Variants in IPO8 observed in about 807,000 individuals in gnomAD.
The protein encoded by IPO8 is importin-8.
IPO8 carries 65 observed loss-of-function variants against 141.2 expected under a neutral mutation model. The ratio of observed to expected loss-of-function variants is 0.46; its 90% CI spans 0.38 to 0.57. IPO8 has a LOEUF of 0.57. IPO8 is among the 20% of genes least tolerant of loss of function. The pLI is 0.00. For synonymous variants in IPO8, 411 were observed against 420.3 expected, an observed-to-expected ratio of 0.98 and a Z score of 0.27; for missense variants, 980 against 1,246.8, an observed-to-expected ratio of 0.79 and a Z score of 3.22.
At chr12:30,685,454 C>T (rs1228845152) in intron 2 of IPO8, among the ~76,000 whole-genome samples, 1 of 151,466 alleles carries the variant, frequency 6.6e-6, no homozygotes, top group African/African-American at 2.4e-5. Context: ...GTAAAGCTTT[C>T]TAACCATCCC....
chr12:30,664,505 A>G (rs2052933904), intron 13 of IPO8, among the ~76,000 whole-genome samples: 1 of 152,220 alleles, frequency 6.6e-6, no homozygotes, highest in Non-Finnish European at 1.5e-5. Flanking sequence ...ACAATTTCAC[A>G]TGGATTATTA....
chr12:30,646,742 A>T (rs948091452), intron 20 of IPO8, among the ~76,000 whole-genome samples: 6 of 152,196 alleles, frequency 3.9e-5, no homozygotes, highest in African/African-American at 1.4e-4. Flanking sequence ...AAAAGAAAAT[A>T]TATAAAAATA....
intron 16 of IPO8, among the ~76,000 whole-genome samples, chr12:30,657,898 C>T (rs2052823706): frequency 6.6e-6 from 1 of 151,876 alleles, no homozygotes; most frequent in East Asian, 1.9e-4. Flanking sequence ...ACCCGAAAAC[C>T]TGGTTTAAAA....
At chr12:30,678,147 A>G (rs1189430018) in intron 5 of IPO8, among the ~76,000 whole-genome samples, 4 of 151,972 alleles carry the variant, frequency 2.6e-5, no homozygotes, top group Non-Finnish European at 5.9e-5. Flanking sequence ...AAAAAAATTT[A>G]AAGTTTATGA....
intron 23 of IPO8, among the ~76,000 whole-genome samples, chr12:30,632,428 T>C (rs967077664): frequency 7.9e-5 from 12 of 152,192 alleles, no homozygotes; most frequent in Non-Finnish European, 1.3e-4. Context: ...CTAAGCCTCC[T>C]GGACTGTTCC....
chr12:30,680,104 C>CCCTTCTTCTTTTCCTTCTTCTTTT (rs137864155), intron 5 of IPO8, among the ~76,000 whole-genome samples: 16 of 151,758 alleles, frequency 1.1e-4, no homozygotes, highest in South Asian at 6.2e-4. Context: ...AAGAGGGACT[C>CCCTTCTTCTTTTCCTTCTTCTTTT]CCTTCTTCTT....
intron 18 of IPO8, among the ~76,000 whole-genome samples, chr12:30,652,727 T>C (rs1591828676): frequency 6.6e-6 from 1 of 152,194 alleles, no homozygotes; most frequent in East Asian, 1.9e-4. Context: ...TAAATTAATA[T>C]ATGGATATAT....
At chr12:30,636,907 T>C in intron 22 of IPO8, 75 bp downstream of exon 22, 1 of 1,188,192 alleles carries the variant, frequency 8.4e-7, no homozygotes, top group East Asian at 2.4e-5. Context: ...TGTCTCCATA[T>C]AGACTAGTAT....
At chr12:30,639,274 AAAAT>A (rs2052545240) in intron 21 of IPO8, among the ~76,000 whole-genome samples, 2 of 152,336 alleles carry the variant, frequency 1.3e-5, no homozygotes, top group South Asian at 4.1e-4. Context: ...GTGTTTAAAA[AAAAT>A]AAATAAAAAA....
At chr12:30,645,046 A>G (rs920258070) in intron 20 of IPO8, among the ~76,000 whole-genome samples, 12 of 152,154 alleles carry the variant, frequency 7.9e-5, no homozygotes, top group Admixed American at 4.6e-4. Flanking sequence ...ACAATATCTC[A>G]AAGATAAAAT....
At chr12:30,687,079 C>T (rs902803846) in intron 2 of IPO8, among the ~76,000 whole-genome samples, 9 of 152,044 alleles carry the variant, frequency 5.9e-5, no homozygotes, top group African/African-American at 2.2e-4. Flanking sequence ...TCATTTAATT[C>T]AAGTGCCTAA....
At chr12:30,663,295 C>T (rs1209750297) in intron 14 of IPO8, among the ~76,000 whole-genome samples, 194 bp downstream of exon 14, 1 of 152,122 alleles carries the variant, frequency 6.6e-6, no homozygotes, top group East Asian at 1.9e-4. Context: ...AACATGTTTC[C>T]TAACCTAAAA....
At chr12:30,688,923 T>C (rs2053266762) in intron 2 of IPO8, among the ~76,000 whole-genome samples, 1 of 152,102 alleles carries the variant, frequency 6.6e-6, no homozygotes, top group South Asian at 2.1e-4. Flanking sequence ...TCATTTAGCA[T>C]TGCTTCTATC....
intron 13 of IPO8, among the ~76,000 whole-genome samples, chr12:30,664,940 A>G (rs573589871): frequency 1.3e-5 from 2 of 152,204 alleles, no homozygotes; most frequent in East Asian, 3.9e-4. Context: ...GGGTTTCACC[A>G]TGTTGGCCAG....
At chr12:30,650,816 T>C (rs928565413) in intron 19 of IPO8, among the ~76,000 whole-genome samples, 1 of 152,066 alleles carries the variant, frequency 6.6e-6, no homozygotes, top group Non-Finnish European at 1.5e-5. Flanking sequence ...CTCCAACACA[T>C]AGTAGCTATG....
chr12:30,662,200 T>C (rs964322861), intron 15 of IPO8, 127 bp downstream of exon 15: 7 of 686,090 alleles, frequency 1.0e-5, no homozygotes, highest in Non-Finnish European at 1.7e-5. Flanking sequence ...ATATGCAATC[T>C]GTCATTGACT....
chr12:30,638,347 T>G (rs1041373994), intron 21 of IPO8, among the ~76,000 whole-genome samples: 1 of 152,194 alleles, frequency 6.6e-6, no homozygotes, highest in Non-Finnish European at 1.5e-5. Flanking sequence ...TTAATTCCAG[T>G]GTCCTGCAAG....
intron 17 of IPO8, among the ~76,000 whole-genome samples, chr12:30,654,428 GAACA>G (rs923940288): frequency 4.0e-5 from 6 of 151,174 alleles, no homozygotes; most frequent in East Asian, 1.9e-4. Context: ...ACAATTCACA[GAACA>G]GACAACCTCC....
At position 30,665,274 on chromosome 12, in the gene IPO8, T is replaced by C; in HGVS notation, c.1374A>G (p.Leu458=). 1 of 1,599,540 alleles carries C rather than the reference T, an allele frequency of 6.3e-7. No homozygotes were observed. Among genetic ancestry groups the C allele is most frequent in the Non-Finnish European group, 8.5e-7 (1 of 1,169,788 alleles). The change falls in exon 13 of 25, where the codon CTA becomes CTG. Residue 458 remains leucine (L), a synonymous_variant. Coordinates refer to ENST00000256079, the MANE Select transcript of IPO8 (RefSeq NM_006390.4). ...SLFKDQMELF[L]QNHVFPLLLS... is the part of the protein sequence containing the mutation. ...ATAATAATGGAAATACATGATTTTGTAGAAACAGCTCCATTTGGTCCTTGA... is the reference window on the plus strand; with the variant it reads ...ATAATAATGGAAATACATGATTTTGCAGAAACAGCTCCATTTGGTCCTTGA...
Sources: allele counts gnomAD v4.1 joint callset (sites outside exome capture counted in the v4.1 genomes callset), GRCh38; gene constraint gnomAD v4.1.1; transcripts MANE v1.5; gene names NCBI Gene and HGNC (gene_info 2026-07-23, HGNC 2026-07-21).